CORIN: variants seen among roughly 807,000 people sequenced by gnomAD.
CORIN encodes corin, serine peptidase.
A neutral mutation model predicts 125.3 loss-of-function variants in CORIN; 117 were observed. The observed-to-expected ratio is 0.93, with a 90% CI of 0.80 to 1.09. The LOEUF (loss-of-function observed/expected upper bound fraction) is 1.09. CORIN is among the 50% of genes least tolerant of loss of function. The pLI, the probability that CORIN is intolerant of heterozygous loss-of-function variation, is 0.00. For synonymous variants in CORIN, 450 were observed against 466.4 expected, an observed-to-expected ratio of 0.96 and a Z score of 0.45; for missense variants, 1,253 against 1,306.7, an observed-to-expected ratio of 0.96 and a Z score of 0.63.
chr4:47,689,224 T>C (rs558532303), intron 6 of CORIN, among the ~76,000 whole-genome samples: 88 of 152,290 alleles, frequency 5.8e-4, no homozygotes, highest in African/African-American at 2.0e-3. Flanking sequence ...TCCTAGTGCT[T>C]TTTGAGACTT....
intron 11 of CORIN, among the ~76,000 whole-genome samples, chr4:47,662,636 A>T (rs939120752): frequency 2.6e-5 from 4 of 152,096 alleles, no homozygotes; most frequent in Non-Finnish European, 5.9e-5. Flanking sequence ...TAAAAAAAAA[A>T]CTAACCAAAG....
intron 15 of CORIN, chr4:47,642,885 A>G (rs1015581371): frequency 1.6e-5 from 24 of 1,471,200 alleles, no homozygotes; most frequent in Admixed American, 2.6e-5. Flanking sequence ...ATCCTCTCCC[A>G]GCAATTATAT....
chr4:47,676,814 C>A (rs1442021276), intron 9 of CORIN, among the ~76,000 whole-genome samples: 1 of 152,082 alleles, frequency 6.6e-6, no homozygotes, highest in African/African-American at 2.4e-5. Context: ...TTGAATTATA[C>A]AGAAAGAAAG....
intron 5 of CORIN, among the ~76,000 whole-genome samples, chr4:47,729,463 C>T (rs561400849): frequency 1.3e-5 from 2 of 152,166 alleles, no homozygotes; most frequent in East Asian, 3.9e-4. Flanking sequence ...ATATCTGGGG[C>T]AAGAACGTCG....
intron 5 of CORIN, among the ~76,000 whole-genome samples, chr4:47,737,717 A>C (rs35802389): frequency 0.097 from 14,793 of 152,178 alleles, 847 homozygotes; most frequent in East Asian, 0.27. Flanking sequence ...CAGAAAACTC[A>C]ACTTTTAGCA....
chr4:47,653,797 T>A, intron 12 of CORIN, 137 bp from the exon 13 acceptor site: 1 of 682,068 alleles, frequency 1.5e-6, no homozygotes, highest in South Asian at 2.0e-5. Context: ...ATAGCCATTT[T>A]GCTTTGGCAT....
intron 21 of CORIN, among the ~76,000 whole-genome samples, chr4:47,596,308 C>A (rs944388368): frequency 2.6e-5 from 4 of 151,964 alleles, no homozygotes; most frequent in Non-Finnish European, 5.9e-5. Flanking sequence ...AGATCCCCCC[C>A]ACACACAGTA....
intron 17 of CORIN, among the ~76,000 whole-genome samples, chr4:47,624,462 A>T (rs1722470901): frequency 6.6e-6 from 1 of 152,212 alleles, no homozygotes; most frequent in South Asian, 2.1e-4. Context: ...TTTGAAGAAC[A>T]GATTAAGAAA....
chr4:47,772,345 T>C (rs1730084326), intron 3 of CORIN, among the ~76,000 whole-genome samples: 1 of 152,170 alleles, frequency 6.6e-6, no homozygotes, highest in South Asian at 2.1e-4. Flanking sequence ...TGAGGCGCCA[T>C]TGGCGTGAAG....
intron 1 of CORIN, among the ~76,000 whole-genome samples, chr4:47,835,880 G>T (rs1433189619): frequency 1.3e-5 from 2 of 152,170 alleles, no homozygotes; most frequent in Admixed American, 1.3e-4. Flanking sequence ...CTGGATATGT[G>T]CTTGATAAGG....
intron 2 of CORIN, among the ~76,000 whole-genome samples, chr4:47,792,052 A>G (rs1303911714): frequency 6.6e-6 from 1 of 152,228 alleles, no homozygotes; most frequent in Non-Finnish European, 1.5e-5. Flanking sequence ...AAGCCTGTTT[A>G]GAGACGAGTA....
chr4:47,625,546 A>T (rs1056658732), intron 17 of CORIN, among the ~76,000 whole-genome samples: 2 of 152,208 alleles, frequency 1.3e-5, no homozygotes, highest in Non-Finnish European at 2.9e-5. Context: ...CAATTGACAA[A>T]TATTCAGAAA....
intron 3 of CORIN, among the ~76,000 whole-genome samples, chr4:47,781,218 G>C (rs1560546016): frequency 6.6e-6 from 1 of 152,152 alleles, no homozygotes; most frequent in Non-Finnish European, 1.5e-5. Context: ...CAAATAGGTT[G>C]TAAGTGAAAG....
intron 12 of CORIN, among the ~76,000 whole-genome samples, chr4:47,658,864 T>C (rs1373037939): frequency 1.3e-5 from 2 of 152,260 alleles, no homozygotes; most frequent in African/African-American, 4.8e-5. Context: ...TTCCACACTT[T>C]TATGCTCTGC....
At chr4:47,690,748 T>C (rs1039419678) in intron 6 of CORIN, among the ~76,000 whole-genome samples, 1 of 152,150 alleles carries the variant, frequency 6.6e-6, no homozygotes, top group African/African-American at 2.4e-5. Flanking sequence ...CTGATTCACA[T>C]CCAAGGCCTA....
intron 5 of CORIN, among the ~76,000 whole-genome samples, chr4:47,705,422 G>C (rs1726504703): frequency 6.6e-6 from 1 of 152,216 alleles, no homozygotes; most frequent in South Asian, 2.1e-4. Context: ...AGAGTGACAA[G>C]TGTAGAGCAT....
At chr4:47,784,143 T>C (rs1479972058) in intron 3 of CORIN, among the ~76,000 whole-genome samples, 1 of 152,156 alleles carries the variant, frequency 6.6e-6, no homozygotes, top group Non-Finnish European at 1.5e-5. Context: ...CATCAGTTAA[T>C]TATAAGGATC....
rs142130149 is a variant in CORIN, at chr4:47,755,278, T to A, written c.617+8101A>T. ...TTCAATTACTAGTTCTATTAATATGTTTGCCCTGTGGAAGAACACAGAAAA... is the reference window on the plus strand; with the variant it reads ...TTCAATTACTAGTTCTATTAATATGATTGCCCTGTGGAAGAACACAGAAAA... On this transcript the variant is annotated intron_variant, in intron 4 of 21. Coordinates refer to ENST00000273857, the MANE Select transcript of CORIN (RefSeq NM_006587.4). Among the ~76,000 whole-genome samples, 802 of 152,316 alleles carry A rather than the reference T, an allele frequency of 5.3e-3. 4 individuals are homozygous for A. The highest frequency in any genetic ancestry group is 7.5e-3 in the Non-Finnish European group (508 of 68,030).
rs116509537 is a variant in CORIN at position 47,646,231 on chromosome 4, A to G, written c.1844-1037T>C. ...TGCCAAAGTCTAGTGATCTAAATGC[A>G]TATCACCTTAAAATGTAATTTCATT... is the stretch of plus-strand genomic sequence containing the variant. On this transcript the variant is annotated intron_variant, in intron 13 of 21. Transcript: ENST00000273857. Among the ~76,000 whole-genome samples, 453 of 152,330 alleles carry G rather than the reference A, an allele frequency of 3.0e-3. 4 individuals are homozygous for G. The highest frequency in any genetic ancestry group is 3.8e-3 in the Non-Finnish European group (258 of 68,040).
Sources: gnomAD v4.1 joint callset for allele counts (sites outside exome capture counted in the v4.1 genomes callset) on GRCh38, gnomAD v4.1.1 for gene constraint, MANE v1.5 for transcripts, NCBI Gene and HGNC (gene_info 2026-07-23, HGNC 2026-07-21) for gene names.